TFPI: variants seen among roughly 807,000 people sequenced by gnomAD.
TFPI encodes the protein anti-convertin.
TFPI carries 15 observed loss-of-function variants against 34.6 expected under a neutral mutation model. The observed-to-expected ratio is 0.43, with a 90% confidence interval of 0.29 to 0.67. The LOEUF is 0.67. Ranked by LOEUF, TFPI falls within the 30% of genes least tolerant of loss-of-function variation. The pLI is 0.15. For missense variants in TFPI, 301 were observed against 364.0 expected, an observed-to-expected ratio of 0.83 and a Z score of 1.41; for synonymous variants, 105 against 120.1, an observed-to-expected ratio of 0.87 and a Z score of 0.82.
In TFPI at chr2:187,465,780, T is replaced by C. The variant is rs1691695252; in HGVS notation, c.*1156A>G. 1 of 152,108 alleles carries C rather than the reference T, an allele frequency of 6.6e-6. No homozygotes were observed. Among genetic ancestry groups the C allele is most frequent in the South Asian group, 2.1e-4 (1 of 4,812 alleles). The allele number at this position is 152,108 out of a possible 1,614,324, so 9.4% of individuals were successfully genotyped here. Reference sequence around the variant, plus strand: ...ATACCAAATGAATGAAATGGTTGTTTCTAAATCAGTTCCAATTCCAGTGTC... The same window carrying C: ...ATACCAAATGAATGAAATGGTTGTTCCTAAATCAGTTCCAATTCCAGTGTC... On this transcript the variant is annotated 3_prime_UTR_variant, in exon 8 of 8. Transcript: ENST00000233156.
chr2:187,475,554 C>G (rs1692323685), intron 6 of TFPI, among the ~76,000 whole-genome samples: 1 of 152,130 alleles, frequency 6.6e-6, no homozygotes, highest in Non-Finnish European at 1.5e-5. Context: ...GTGTGCTCAA[C>G]AACTGGGTTA....
intron 6 of TFPI, among the ~76,000 whole-genome samples, chr2:187,483,502 G>T (rs1693030966): frequency 6.6e-6 from 1 of 151,726 alleles, no homozygotes. Context: ...AGATATTTGT[G>T]GTTCCTGATT....
intron 6 of TFPI, among the ~76,000 whole-genome samples, chr2:187,477,579 C>G (rs375934389): frequency 1.3e-5 from 2 of 152,164 alleles, no homozygotes; most frequent in South Asian, 4.2e-4. Context: ...AGAAAGTTCT[C>G]ATGGTTTCAG....
At chr2:187,476,858 ATTAT>A (rs1193393872) in intron 6 of TFPI, among the ~76,000 whole-genome samples, 4 of 152,100 alleles carry the variant, frequency 2.6e-5, no homozygotes, top group African/African-American at 4.8e-5. Context: ...TCAAATTAGT[ATTAT>A]TTATTAGTTT....
Position 187,481,226 on chromosome 2 carries a change from C to T in TFPI, c.628+2898G>A, listed in dbSNP as rs8176618. ...TTGAATTGAAACTTTAAAGGATTTA[C>T]AGCTTTTCAAAATAACCTGATACCA... On this transcript the variant is annotated intron_variant, in intron 6 of 7. Coordinates refer to ENST00000233156, the MANE Select transcript of TFPI (RefSeq NM_006287.6). Among the ~76,000 whole-genome samples the T allele has an allele frequency of 3.1e-3, 474 of 152,054 alleles. 1 individual carries two copies. Among genetic ancestry groups the T allele is most frequent in the Non-Finnish European group, 5.2e-3 (356 of 67,976 alleles).
At chr2:187,537,607 T>G (rs1413407173) in intron 1 of TFPI, among the ~76,000 whole-genome samples, 1 of 152,202 alleles carries the variant, frequency 6.6e-6, no homozygotes, top group East Asian at 1.9e-4. Context: ...ATTAAATACT[T>G]AAATGTAAGT....
chr2:187,531,710 TTA>T (rs1157366117), intron 1 of TFPI, among the ~76,000 whole-genome samples: 1 of 152,172 alleles, frequency 6.6e-6, no homozygotes, highest in Non-Finnish European at 1.5e-5. Context: ...ACCATTTTAT[TTA>T]TGTTTGATGC....
rs1030258400 is a variant in TFPI, at chr2:187,500,144, T to G, written c.122-3066A>C. Among the ~76,000 whole-genome samples, 8 of 152,154 alleles carry G rather than the reference T, an allele frequency of 5.3e-5. 1 individual carries two copies. ...TAATTTTGCCAGCAGGTGGTGGCAG[T>G]GCACCACAAAGGCAAAAGCTGATAA... On this transcript the variant is annotated intron_variant, in intron 2 of 7. Coordinates refer to ENST00000233156, the MANE Select transcript of TFPI (RefSeq NM_006287.6).
At chr2:187,487,936 A>G (rs1371888872) in intron 4 of TFPI, among the ~76,000 whole-genome samples, 1 of 151,342 alleles carries the variant, frequency 6.6e-6, no homozygotes, top group Non-Finnish European at 1.5e-5. Context: ...TAAAGTTAAG[A>G]CTCAAAATAT....
chr2:187,507,090 G>T (rs1686276435), intron 1 of TFPI, among the ~76,000 whole-genome samples: 1 of 151,892 alleles, frequency 6.6e-6, no homozygotes, highest in South Asian at 2.1e-4. Flanking sequence ...CCCGGTATGT[G>T]ATGTTCCCTT....
chr2:187,523,440 C>T (rs1687513819), intron 1 of TFPI, among the ~76,000 whole-genome samples: 1 of 152,032 alleles, frequency 6.6e-6, no homozygotes, highest in Non-Finnish European at 1.5e-5. Context: ...GACTTATAGG[C>T]TCCACTTATT....
At chr2:187,508,010 G>A (rs1686348172) in intron 1 of TFPI, among the ~76,000 whole-genome samples, 1 of 152,178 alleles carries the variant, frequency 6.6e-6, no homozygotes, top group East Asian at 1.9e-4. Context: ...AAGAGGTCCA[G>A]TTTCTGTTTT....
At chr2:187,474,434 T>G (rs1270860066) in intron 6 of TFPI, among the ~76,000 whole-genome samples, 1 of 152,064 alleles carries the variant, frequency 6.6e-6, no homozygotes, top group Non-Finnish European at 1.5e-5. Context: ...AAAATTACAT[T>G]TAGGTCAAAT....
intron 1 of TFPI, among the ~76,000 whole-genome samples, chr2:187,530,356 T>G (rs1184557442): frequency 1.3e-5 from 2 of 152,152 alleles, no homozygotes; most frequent in African/African-American, 4.8e-5. Flanking sequence ...TACTAAACAT[T>G]CTAAGGGCCC....
At chr2:187,475,021 C>G (rs1320162945) in intron 6 of TFPI, among the ~76,000 whole-genome samples, 1 of 152,008 alleles carries the variant, frequency 6.6e-6, no homozygotes, top group Non-Finnish European at 1.5e-5. Flanking sequence ...CTCCCGTAAC[C>G]CTTGTGCAGG....
chr2:187,525,254 G>A (rs1687617239), intron 1 of TFPI, among the ~76,000 whole-genome samples: 2 of 149,474 alleles, frequency 1.3e-5, no homozygotes, highest in African/African-American at 5.1e-5. Flanking sequence ...GCATAAAACA[G>A]AGTAATATTT....
intron 1 of TFPI, chr2:187,529,509 A>T (rs1687850648): frequency 6.6e-6 from 1 of 152,178 alleles, no homozygotes; most frequent in Admixed American, 6.5e-5. Flanking sequence ...GAGAGAAAGA[A>T]AGATATCTTT....
intron 1 of TFPI, chr2:187,527,292 G>A (rs1298254157): frequency 6.6e-6 from 1 of 152,094 alleles, no homozygotes; most frequent in Non-Finnish European, 1.5e-5. Context: ...AGAATAACTA[G>A]GATCTGCAAA....
At chr2:187,483,862 T>TAA (rs1157418661) in intron 6 of TFPI, 9 of 423,432 alleles carry the variant, frequency 2.1e-5, no homozygotes, top group Admixed American at 4.2e-5. Context: ...GGCATAGAGT[T>TAA]AAATATCATA....
Sources: allele counts gnomAD v4.1 joint callset (sites outside exome capture counted in the v4.1 genomes callset), GRCh38; gene constraint gnomAD v4.1.1; transcripts MANE v1.5; gene names NCBI Gene and HGNC (gene_info 2026-07-23, HGNC 2026-07-21).